The following FAM13A variants were observed in gnomAD, a reference collection of about 807,000 sequenced individuals.
The protein encoded by FAM13A is family with sequence similarity 13 member A, also known as protein FAM13A.
In FAM13A, 76 loss-of-function variants were observed where a neutral mutation model predicts 129.6. The observed-to-expected ratio is 0.59, with a 90% CI of 0.49 to 0.71. The LOEUF is 0.71. Among genes scored for constraint, FAM13A ranks in the 30% least tolerant of loss-of-function variants. The pLI is 0.00. For synonymous variants in FAM13A, 443 were observed against 449.9 expected (o/e 0.98, Z 0.20); for missense variants, 1,108 against 1,249.3 (o/e 0.89, Z 1.70).
chr4:88,981,283 A>C (rs976146324), intron 4 of FAM13A, among the ~76,000 whole-genome samples: 3 of 152,228 alleles, frequency 2.0e-5, no homozygotes, highest in Non-Finnish European at 4.4e-5. Flanking sequence ...AGTGTGCACA[A>C]TGAGTTTAAT....
intron 1 of FAM13A, among the ~76,000 whole-genome samples, chr4:89,042,223 T>C (rs1260882187): frequency 6.6e-6 from 1 of 152,104 alleles, no homozygotes; most frequent in Admixed American, 6.6e-5. Context: ...ATAGCCATGC[T>C]GTAATTAAGC....
chr4:88,830,140 G>A (rs1379935), intron 7 of FAM13A, among the ~76,000 whole-genome samples: 14,613 of 152,236 alleles, frequency 0.096, 800 homozygotes, highest in Non-Finnish European at 0.12. Context: ...GACAGTTGAA[G>A]TGGGGGAAGG....
At chr4:88,816,508 T>G (rs17747911) in intron 7 of FAM13A, among the ~76,000 whole-genome samples, 4,267 of 152,284 alleles carry the variant, frequency 0.028, 82 homozygotes, top group Middle Eastern at 0.044. Flanking sequence ...AAAAACAACT[T>G]AAGCTGCCCT....
At position 89,003,422 on chromosome 4, in the gene FAM13A, C is replaced by T. The variant is rs183693696; in HGVS notation, c.428-12272G>A. ...GTTCAGGAGTTCAAGACAAGCCTGG[C>T]CAACATGGGGAAACCCTGTCTCTAC... On this transcript the variant is annotated intron_variant, in intron 3 of 23. Coordinates refer to ENST00000264344, the MANE Select transcript of FAM13A (RefSeq NM_014883.4). Among the ~76,000 whole-genome samples the T allele has an allele frequency of 1.2e-4, 19 of 152,020 alleles. 1 individual carries two copies. In the East Asian group the frequency reaches 3.3e-3, roughly 26 times the overall value.
intron 4 of FAM13A, among the ~76,000 whole-genome samples, chr4:88,970,530 ATATC>A (rs1171717664): frequency 1.3e-5 from 2 of 151,406 alleles, no homozygotes; most frequent in African/African-American, 4.8e-5. Flanking sequence ...TATATTTGAT[ATATC>A]TATATAATAC....
At chr4:88,919,387 T>C (rs1392184289) in intron 5 of FAM13A, among the ~76,000 whole-genome samples, 1 of 152,260 alleles carries the variant, frequency 6.6e-6, no homozygotes, top group Non-Finnish European at 1.5e-5. Context: ...TGAACAATTA[T>C]TAATGCTCAG....
chr4:88,842,464 T>C (rs1185246993), intron 7 of FAM13A, among the ~76,000 whole-genome samples: 1 of 152,258 alleles, frequency 6.6e-6, no homozygotes, highest in African/African-American at 2.4e-5. Flanking sequence ...TCTTTGCTTT[T>C]ACATCACTTC....
At chr4:88,953,027 A>T (rs1757186836) in intron 4 of FAM13A, among the ~76,000 whole-genome samples, 1 of 152,226 alleles carries the variant, frequency 6.6e-6, no homozygotes, top group African/African-American at 2.4e-5. Context: ...AATATTTTAC[A>T]GCATCACTGA....
chr4:88,941,954 G>A (rs1458340321), intron 4 of FAM13A, among the ~76,000 whole-genome samples: 1 of 152,036 alleles, frequency 6.6e-6, no homozygotes, highest in East Asian at 1.9e-4. Flanking sequence ...TTCTTTTCTT[G>A]TGTGCTGAGA....
At chr4:88,806,426 G>C (rs984882837) in intron 7 of FAM13A, among the ~76,000 whole-genome samples, 1 of 151,938 alleles carries the variant, frequency 6.6e-6, no homozygotes, top group Non-Finnish European at 1.5e-5. Context: ...AGTCTGCTTC[G>C]ACTGATAGTA....
chr4:88,957,059 C>T (rs1033971541), intron 4 of FAM13A, among the ~76,000 whole-genome samples: 2 of 152,174 alleles, frequency 1.3e-5, no homozygotes, highest in African/African-American at 4.8e-5. Context: ...GGTGCAGTGG[C>T]TCACGCCTGT....
intron 8 of FAM13A, among the ~76,000 whole-genome samples, chr4:88,804,695 A>G (rs1004689147): frequency 8.5e-6 from 1 of 118,162 alleles, no homozygotes; most frequent in South Asian, 3.1e-4. Flanking sequence ...ATGCATATGT[A>G]TATGTATAAA....
chr4:88,738,356 G>T (rs1041228274), intron 20 of FAM13A, among the ~76,000 whole-genome samples: 1 of 152,172 alleles, frequency 6.6e-6, no homozygotes, highest in Non-Finnish European at 1.5e-5. Flanking sequence ...CTACTCATAA[G>T]CTGGGGGTGG....
At chr4:88,959,622 C>T (rs373613155) in intron 4 of FAM13A, among the ~76,000 whole-genome samples, 4 of 152,160 alleles carry the variant, frequency 2.6e-5, no homozygotes, top group South Asian at 4.2e-4. Flanking sequence ...TGCAGAACTA[C>T]GAGCCAATTA....
At chr4:89,046,134 A>T (rs1480360811) in intron 1 of FAM13A, among the ~76,000 whole-genome samples, 1 of 152,140 alleles carries the variant, frequency 6.6e-6, no homozygotes, top group Non-Finnish European at 1.5e-5. Context: ...AGGCTAAGAG[A>T]ATACTGCACA....
At chr4:88,862,188 A>C (rs1334386368) in intron 6 of FAM13A, among the ~76,000 whole-genome samples, 3 of 152,224 alleles carry the variant, frequency 2.0e-5, no homozygotes, top group African/African-American at 7.2e-5. Context: ...AGCTATGATA[A>C]ATGTTAGGAA....
At chr4:89,044,836 G>T (rs183582699) in intron 1 of FAM13A, among the ~76,000 whole-genome samples, 27 of 151,978 alleles carry the variant, frequency 1.8e-4, no homozygotes, top group East Asian at 3.9e-4. Flanking sequence ...GACAAAAATT[G>T]TCTAGTTCCA....
At chr4:88,892,515 T>C (rs1745529143) in intron 6 of FAM13A, among the ~76,000 whole-genome samples, 2 of 152,100 alleles carry the variant, frequency 1.3e-5, no homozygotes, top group Admixed American at 1.3e-4. Context: ...ACAACAAAAA[T>C]ACTGACGCCA....
intron 1 of FAM13A, among the ~76,000 whole-genome samples, chr4:89,049,432 A>G (rs1223083000): frequency 6.6e-6 from 1 of 152,124 alleles, no homozygotes; most frequent in Non-Finnish European, 1.5e-5. Flanking sequence ...AAACCACAGG[A>G]AAAAAAACCT....
Sources: allele counts gnomAD v4.1 joint callset (sites outside exome capture counted in the v4.1 genomes callset), GRCh38; gene constraint gnomAD v4.1.1; transcripts MANE v1.5; gene names NCBI Gene and HGNC (gene_info 2026-07-23, HGNC 2026-07-21).